Variants in LRRC49 observed in about 807,000 individuals in gnomAD.
LRRC49 encodes the protein leucine-rich repeat-containing protein 49.
Under a neutral mutation model 83.3 loss-of-function variants are expected in LRRC49, and 50 were observed. The ratio of observed to expected loss-of-function variants is 0.60; its 90% CI spans 0.48 to 0.76. The LOEUF (loss-of-function observed/expected upper bound fraction) is 0.76. Ranked by LOEUF, LRRC49 falls within the 30% of genes least tolerant of loss-of-function variation. LRRC49 has a pLI of 0.00. For missense variants in LRRC49, 704 were observed against 809.1 expected (o/e 0.87, Z 1.58); for synonymous variants, 286 against 283.3 (o/e 1.01, Z -0.10).
chr15:70,912,979 A>G (rs1198051238), intron 6 of LRRC49, among the ~76,000 whole-genome samples: 2 of 152,074 alleles, frequency 1.3e-5, no homozygotes, highest in Non-Finnish European at 2.9e-5. Context: ...GCCCAGCTCT[A>G]TATCTATTTT....
At chr15:70,950,368 C>T (rs1376921429) in intron 8 of LRRC49, among the ~76,000 whole-genome samples, 1 of 152,162 alleles carries the variant, frequency 6.6e-6, no homozygotes, top group Non-Finnish European at 1.5e-5. Context: ...TTTGAGGAAT[C>T]TCCACACTGC....
At chr15:70,938,214 C>T (rs911152770) in intron 8 of LRRC49, among the ~76,000 whole-genome samples, 2 of 152,004 alleles carry the variant, frequency 1.3e-5, no homozygotes, top group Non-Finnish European at 2.9e-5. Flanking sequence ...ATTCCTAGCT[C>T]TGTAGGAAGT....
chr15:70,931,474 T>A (rs1165586872), intron 7 of LRRC49, among the ~76,000 whole-genome samples: 1 of 152,104 alleles, frequency 6.6e-6, no homozygotes, highest in African/African-American at 2.4e-5. Flanking sequence ...AGAGACGAAG[T>A]GAGCACATGC....
chr15:70,856,221 A>G (rs540332673), intron 1 of LRRC49, among the ~76,000 whole-genome samples: 3 of 152,318 alleles, frequency 2.0e-5, no homozygotes, highest in East Asian at 3.9e-4. Context: ...TCTGGGCTGT[A>G]GAAGCGTTTT....
intron 8 of LRRC49, among the ~76,000 whole-genome samples, chr15:70,946,615 G>A (rs946163638): frequency 6.6e-6 from 1 of 152,084 alleles, no homozygotes; most frequent in Non-Finnish European, 1.5e-5. Context: ...CTGGAAATGG[G>A]ATTGCTGGTT....
intron 5 of LRRC49, chr15:70,907,917 A>G (rs923866872): frequency 2.2e-6 from 1 of 455,496 alleles, no homozygotes. Flanking sequence ...TCCTCACATC[A>G]ATACCTAATC....
intron 1 of LRRC49, chr15:70,854,081 T>G: frequency 7.5e-7 from 1 of 1,341,242 alleles, no homozygotes; most frequent in Non-Finnish European, 9.6e-7. Flanking sequence ...CCCGCCGGAC[T>G]GGGCCATGGC....
In LRRC49 at chr15:70,882,671, G is replaced by A. The variant is rs751473165; in HGVS notation, c.18+9448G>A. 4.3e-6 allele frequency: 7 copies of A among 1,611,626 alleles called. No homozygotes were observed. In the African/African-American group the frequency reaches 6.7e-5, roughly 15 times the overall value. On this transcript the variant is annotated intron_variant, in intron 2 of 16. Transcript: ENST00000544974. ...AATACCTGAAAGAGAATAAGCATAA[G>A]TACCTATGAGTTAGACTTTGCTTTT...
intron 11 of LRRC49, among the ~76,000 whole-genome samples, chr15:71,005,083 A>G (rs968561797): frequency 6.6e-6 from 1 of 152,170 alleles, no homozygotes; most frequent in African/African-American, 2.4e-5. Context: ...TATTATACAT[A>G]ATCAGGTTTT....
intron 15 of LRRC49, among the ~76,000 whole-genome samples, chr15:71,044,235 G>A (rs2039782861): frequency 6.6e-6 from 1 of 152,118 alleles, no homozygotes; most frequent in Non-Finnish European, 1.5e-5. Context: ...AGGCCAGCTG[G>A]AACCATTTGT....
chr15:70,892,077 AG>A, upstream of LRRC49: 2 of 1,613,952 alleles, frequency 1.2e-6, no homozygotes, highest in Middle Eastern at 1.7e-4. Flanking sequence ...ATAACCGAAG[AG>A]ACGTCAAAAC....
rs375758383 is a variant in LRRC49, at chr15:71,009,749, A to G, written c.1408-58A>G. On this transcript the variant is annotated intron_variant, in intron 12 of 15. Coordinates refer to ENST00000260382, the MANE Select transcript of LRRC49 (RefSeq NM_017691.5). ...AATGATTAGTGAAGCTTTAATGTTA[A>G]TATTTCAATATGGTTAAAATCAATG... 29 of 1,174,820 alleles carry G rather than the reference A, an allele frequency of 2.5e-5. 1 individual carries two copies. In the African/African-American group the frequency reaches 4.3e-4, roughly 17 times the overall value. The allele number at this position is 1,174,820 out of a possible 1,614,324, so 72.8% of individuals were successfully genotyped here. A position where few individuals can be genotyped will look rare whatever the true frequency, so the allele number is the denominator to read the frequency against.
intron 5 of LRRC49, among the ~76,000 whole-genome samples, chr15:70,910,223 T>C (rs532794160): frequency 4.6e-5 from 7 of 152,186 alleles, no homozygotes; most frequent in African/African-American, 7.2e-5. Flanking sequence ...TTTTTATAAA[T>C]TAAATTGGAT....
At chr15:70,979,799 G>A (rs12594841) in intron 9 of LRRC49, among the ~76,000 whole-genome samples, 2 of 152,082 alleles carry the variant, frequency 1.3e-5, no homozygotes, top group East Asian at 1.9e-4. Flanking sequence ...GATGCACAGC[G>A]TACAAAAGGA....
chr15:70,984,536 C>T (rs1487684319), intron 11 of LRRC49: 1 of 216,354 alleles, frequency 4.6e-6, no homozygotes, highest in Non-Finnish European at 9.0e-6. Flanking sequence ...TCTTTTATCT[C>T]ATGCCATCAA....
At chr15:70,908,534 G>C (rs2034413629) in intron 5 of LRRC49, 1 of 152,802 alleles carries the variant, frequency 6.5e-6, no homozygotes, top group African/African-American at 2.4e-5. Context: ...TGGTCTACCA[G>C]AATGTGAAAA....
chr15:71,014,385 G>T (rs1249301869), intron 14 of LRRC49, among the ~76,000 whole-genome samples: 2 of 151,826 alleles, frequency 1.3e-5, no homozygotes, highest in Admixed American at 6.6e-5. Context: ...AATATTAAGG[G>T]TTTTCATAGA....
intron 7 of LRRC49, among the ~76,000 whole-genome samples, chr15:70,925,124 G>A (rs1324004773): frequency 6.6e-6 from 1 of 151,968 alleles, no homozygotes; most frequent in Non-Finnish European, 1.5e-5. Context: ...TTAAATCAAT[G>A]TTATACAGGC....
At chr15:70,891,353 T>C (rs372594083), upstream of LRRC49, among the ~76,000 whole-genome samples, 30 of 152,224 alleles carry the variant, frequency 2.0e-4, no homozygotes, top group East Asian at 5.8e-3. Flanking sequence ...GGAAGGGATT[T>C]ATTAGCAAGC....
Sources: gnomAD v4.1 joint callset for allele counts (sites outside exome capture counted in the v4.1 genomes callset) on GRCh38, gnomAD v4.1.1 for gene constraint, MANE v1.5 for transcripts, NCBI Gene and HGNC (gene_info 2026-07-23, HGNC 2026-07-21) for gene names.